The following CAMKMT variants were observed in gnomAD, a reference collection of about 807,000 sequenced individuals.
The protein encoded by CAMKMT is CaM KMT.
Under a neutral mutation model 48.0 loss-of-function variants are expected in CAMKMT, and 53 were observed. The ratio of observed to expected loss-of-function variants is 1.10; its 90% CI spans 0.89 to 1.39. The LOEUF (loss-of-function observed/expected upper bound fraction) is 1.39. Ranked by LOEUF, CAMKMT falls within the 40% of genes most tolerant of loss-of-function variation. CAMKMT has a pLI of 0.00. For missense variants in CAMKMT, 428 were observed against 402.7 expected, an observed-to-expected ratio of 1.06 and a Z score of -0.54; for synonymous variants, 165 against 152.3, an observed-to-expected ratio of 1.08 and a Z score of -0.61.
intron 7 of CAMKMT, among the ~76,000 whole-genome samples, chr2:44,733,015 GATTTTCTCCTGC>G (rs1679165727): frequency 6.6e-6 from 1 of 152,142 alleles, no homozygotes; most frequent in Non-Finnish European, 1.5e-5. Flanking sequence ...AGGTTACAAA[GATTTTCTCCTGC>G]ATTTTCATCT....
At chr2:44,470,028 C>G (rs947955068) in intron 3 of CAMKMT, among the ~76,000 whole-genome samples, 1 of 151,774 alleles carries the variant, frequency 6.6e-6, no homozygotes, top group Non-Finnish European at 1.5e-5. Context: ...TAGATATTTT[C>G]TGTATCTATC....
chr2:44,644,489 C>A (rs1673626599), intron 3 of CAMKMT, among the ~76,000 whole-genome samples: 1 of 152,172 alleles, frequency 6.6e-6, no homozygotes, highest in Admixed American at 6.5e-5. Context: ...GATGTAGTTT[C>A]CTTTCTCAAT....
At chr2:44,470,530 C>T (rs991884242) in intron 3 of CAMKMT, among the ~76,000 whole-genome samples, 1 of 152,136 alleles carries the variant, frequency 6.6e-6, no homozygotes, top group Non-Finnish European at 1.5e-5. Flanking sequence ...TGTATTTTGT[C>T]ATTCATGGAG....
At chr2:44,544,236 A>C (rs1667275096) in intron 3 of CAMKMT, among the ~76,000 whole-genome samples, 1 of 152,128 alleles carries the variant, frequency 6.6e-6, no homozygotes, top group African/African-American at 2.4e-5. Context: ...GATTACCTGG[A>C]CATTTGGGAA....
chr2:44,707,397 A>G lies in CAMKMT; in HGVS notation c.493-2A>G. 1 of 1,606,358 alleles carries G rather than the reference A, an allele frequency of 6.2e-7. No homozygotes were observed. The highest frequency in any genetic ancestry group is 2.2e-5 in the East Asian group (1 of 44,696). ...TTTGCTGTGCTCCCTTTTTTTTTTC[A>G]GGTTGCTATTTCTGCAGATGTCAAA... On this transcript the variant is annotated splice_acceptor_variant, in intron 5 of 10. Transcript: ENST00000378494. LOFTEE classifies it high-confidence loss of function.
chr2:44,466,205 C>G (rs1234207606), intron 3 of CAMKMT, among the ~76,000 whole-genome samples: 1 of 152,192 alleles, frequency 6.6e-6, no homozygotes, highest in Non-Finnish European at 1.5e-5. Context: ...GAACACTCCA[C>G]TCAACAACAG....
chr2:44,590,018 G>A (rs1412252274), intron 3 of CAMKMT, among the ~76,000 whole-genome samples: 2 of 146,856 alleles, frequency 1.4e-5, no homozygotes, highest in Admixed American at 7.0e-5. Flanking sequence ...CAACATACTT[G>A]TTAGTTCTAG....
At chr2:44,747,712 T>G (rs1048157603) in intron 8 of CAMKMT, among the ~76,000 whole-genome samples, 1 of 152,190 alleles carries the variant, frequency 6.6e-6, no homozygotes, top group Non-Finnish European at 1.5e-5. Context: ...CTAATTAACT[T>G]CCCTATGAGA....
At chr2:44,532,080 T>C (rs1666514233) in intron 3 of CAMKMT, among the ~76,000 whole-genome samples, 1 of 152,220 alleles carries the variant, frequency 6.6e-6, no homozygotes, top group Non-Finnish European at 1.5e-5. Flanking sequence ...TGTAGGTATG[T>C]ACATGTATTT....
intron 3 of CAMKMT, among the ~76,000 whole-genome samples, chr2:44,468,148 C>T (rs62137502): frequency 0.025 from 3,804 of 152,104 alleles, 75 homozygotes; most frequent in Non-Finnish European, 0.037. Context: ...CTCAACAATT[C>T]AACAGCAAAA....
chr2:44,659,215 G>A (rs538156348), intron 3 of CAMKMT, among the ~76,000 whole-genome samples: 1 of 151,646 alleles, frequency 6.6e-6, no homozygotes, highest in African/African-American at 2.4e-5. Flanking sequence ...GAGCCCAGGA[G>A]TTCAAGATCA....
At chr2:44,640,616 G>T (rs935653122) in intron 3 of CAMKMT, among the ~76,000 whole-genome samples, 1 of 152,120 alleles carries the variant, frequency 6.6e-6, no homozygotes, top group African/African-American at 2.4e-5. Flanking sequence ...ACCACACACT[G>T]CCCAATTGGT....
intron 3 of CAMKMT, among the ~76,000 whole-genome samples, chr2:44,476,925 CTAT>C (rs1668719424): frequency 6.6e-6 from 1 of 152,038 alleles, no homozygotes; most frequent in African/African-American, 2.4e-5. Context: ...TATATCCCAG[CTAT>C]TATTATTATC....
At chr2:44,435,095 T>C (rs948283376) in intron 3 of CAMKMT, among the ~76,000 whole-genome samples, 1 of 152,126 alleles carries the variant, frequency 6.6e-6, no homozygotes, top group Non-Finnish European at 1.5e-5. Flanking sequence ...TTAACATTGG[T>C]TTATTATTTT....
At chr2:44,479,473 A>G (rs761314665) in intron 3 of CAMKMT, among the ~76,000 whole-genome samples, 11 of 152,242 alleles carry the variant, frequency 7.2e-5, no homozygotes, top group Non-Finnish European at 1.6e-4. Context: ...TTTACAAAAC[A>G]TGAAAAAGCT....
intron 3 of CAMKMT, among the ~76,000 whole-genome samples, chr2:44,574,163 A>G (rs537764073): frequency 2.0e-4 from 31 of 152,222 alleles, no homozygotes; most frequent in Non-Finnish European, 3.4e-4. Context: ...GTTTAGACTT[A>G]TATATCCCTA....
intron 3 of CAMKMT, among the ~76,000 whole-genome samples, chr2:44,667,503 T>C (rs1443686518): frequency 6.6e-6 from 1 of 152,198 alleles, no homozygotes; most frequent in African/African-American, 2.4e-5. Context: ...AGACACTCCC[T>C]CTTATTTGCT....
rs1211150037 is a variant in CAMKMT, at chr2:44,707,464, T to C, written c.556+2T>C. On this transcript the variant is annotated splice_donor_variant, in intron 6 of 10. Coordinates refer to ENST00000378494, the MANE Select transcript of CAMKMT (RefSeq NM_024766.5). LOFTEE classifies it high-confidence loss of function. ...ATGGGAATGAAAAGGCCATCAGAAG[T>C]ATCCTTATTCAGATAGAAAACGGGT... is the stretch of plus-strand genomic sequence containing the variant. 1 of 1,611,974 alleles carries C rather than the reference T, an allele frequency of 6.2e-7. No homozygotes were observed. Among genetic ancestry groups the C allele is most frequent in the Non-Finnish European group, 8.5e-7 (1 of 1,178,758 alleles).
chr2:44,574,741 T>A (rs1018833394), intron 3 of CAMKMT, among the ~76,000 whole-genome samples: 8 of 152,068 alleles, frequency 5.3e-5, no homozygotes, highest in Non-Finnish European at 8.8e-5. Context: ...GTCTTATTAA[T>A]TAATTAATTA....
Sources: gnomAD v4.1 joint callset for allele counts (sites outside exome capture counted in the v4.1 genomes callset) on GRCh38, gnomAD v4.1.1 for gene constraint, MANE v1.5 for transcripts, NCBI Gene and HGNC (gene_info 2026-07-23, HGNC 2026-07-21) for gene names.